The following FAAP20 variants were observed in gnomAD, a reference collection of about 807,000 sequenced individuals.
FAAP20 encodes Fanconi anemia core complex-associated protein 20.
FAAP20 carries 12 observed loss-of-function variants against 16.2 expected under a neutral mutation model. The ratio of observed to expected loss-of-function variants is 0.74; its 90% CI spans 0.48 to 1.20. FAAP20 has a LOEUF of 1.20. FAAP20 is among the 50% of genes most tolerant of loss of function. The pLI is 0.00. For missense variants in FAAP20, 288 were observed against 245.8 expected (o/e 1.17, Z -1.15); for synonymous variants, 141 against 110.7 (o/e 1.27, Z -1.72).
chr1:2,210,525 C>T (rs1272707783), downstream of FAAP20, among the ~76,000 whole-genome samples: 2 of 152,146 alleles, frequency 1.3e-5, no homozygotes, highest in Non-Finnish European at 2.9e-5. Flanking sequence ...GGCTCTGCTT[C>T]GGCAATGAGA....
At chr1:2,186,634 G>C (rs926620083), downstream of FAAP20, among the ~76,000 whole-genome samples, 1 of 152,160 alleles carries the variant, frequency 6.6e-6, no homozygotes, top group African/African-American at 2.4e-5. Context: ...GCCGACCTGG[G>C]TCTCACACAG....
intron 3 of FAAP20, chr1:2,191,149 C>G (rs769029865): frequency 6.6e-6 from 1 of 152,432 alleles, no homozygotes; most frequent in Non-Finnish European, 1.5e-5. Flanking sequence ...CCAGAAGGTG[C>G]TAAGATCTGA....
chr1:2,193,491 G>C, intron 3 of FAAP20, 148 bp downstream of exon 3: 2 of 1,274,248 alleles, frequency 1.6e-6, no homozygotes, highest in Non-Finnish European at 2.1e-6. Context: ...ACCTGGACAT[G>C]CCAGGCCACA....
chr1:2,198,273 G>A (rs1688903957), upstream of FAAP20: 7 of 935,666 alleles, frequency 7.5e-6, no homozygotes, highest in Non-Finnish European at 8.6e-6. Context: ...AGAGCAGAAG[G>A]TGATCGAGTG....
downstream of FAAP20, chr1:2,185,422 G>A: frequency 1.4e-6 from 1 of 718,762 alleles, no homozygotes; most frequent in Non-Finnish European, 2.6e-6. Flanking sequence ...TTTTCCGTGA[G>A]TGGCGCCTGC....
At chr1:2,211,002 G>A (rs945959163), downstream of FAAP20, among the ~76,000 whole-genome samples, 3 of 152,194 alleles carry the variant, frequency 2.0e-5, no homozygotes, top group Non-Finnish European at 4.4e-5. Context: ...TGCAGCGCCT[G>A]TCTTGCCCGG....
chr1:2,203,682 C>T (rs1689132287), upstream of FAAP20: 1 of 979,476 alleles, frequency 1.0e-6, no homozygotes, highest in South Asian at 4.7e-5. Context: ...CCTGTCCTCT[C>T]TGAGTTGCCT....
upstream of FAAP20, among the ~76,000 whole-genome samples, chr1:2,197,783 G>A (rs1157158214): frequency 6.6e-6 from 1 of 152,272 alleles, no homozygotes; most frequent in South Asian, 2.1e-4. Context: ...CAGTGGGGCA[G>A]GCCCCTGTGA....
downstream of FAAP20, among the ~76,000 whole-genome samples, chr1:2,209,962 G>C (rs76650818): frequency 6.6e-6 from 1 of 152,162 alleles, no homozygotes; most frequent in African/African-American, 2.4e-5. Context: ...CGCTCACGGG[G>C]CCTCTGTCCC....
rs1440147752 is a variant in FAAP20, at chr1:2,193,758, G to A, written c.351C>T (p.Ser117=). Residue 117 remains serine, a synonymous_variant, in exon 3 of 4, where the codon TCC becomes TCT. Transcript: ENST00000378546. ...AGGHLESPAR[S]LPQRPAPDPC... ...GATCAGGTGCCGGGCGCTGGGGCAGGGACCTGGCGGGGGATTCCAGGTGCC... is the reference window on the plus strand; with the variant it reads ...GATCAGGTGCCGGGCGCTGGGGCAGAGACCTGGCGGGGGATTCCAGGTGCC... 8 of 1,592,166 alleles carry A rather than the reference G, an allele frequency of 5.0e-6. No individual in the cohort carries two copies. In the African/African-American group the frequency reaches 8.2e-5, roughly 16 times the overall value.
downstream of FAAP20, chr1:2,185,386 T>C (rs1208099298): frequency 1.4e-6 from 1 of 718,652 alleles, no homozygotes; most frequent in Admixed American, 2.0e-5. Context: ...AATGTTCCGA[T>C]GATGTGGAAG....
At chr1:2,211,550 C>A (rs1231721243), downstream of FAAP20, among the ~76,000 whole-genome samples, 48 of 140,840 alleles carry the variant, frequency 3.4e-4, 1 homozygote, top group Non-Finnish European at 5.5e-4. Flanking sequence ...AGGTTCACGC[C>A]ATTCTCCTGC....
upstream of FAAP20, chr1:2,194,832 A>T: frequency 1.0e-6 from 1 of 956,366 alleles, no homozygotes; most frequent in Admixed American, 6.8e-5. Flanking sequence ...CCGCCTCCAG[A>T]CCTCTGCAGC....
intron 3 of FAAP20, chr1:2,191,943 A>G: frequency 2.0e-6 from 2 of 985,498 alleles, no homozygotes; most frequent in African/African-American, 1.7e-5. Context: ...AACATTCTAC[A>G]TAGTTTGTCA....
downstream of FAAP20, among the ~76,000 whole-genome samples, chr1:2,209,168 C>T (rs886854538): frequency 2.0e-5 from 3 of 152,124 alleles, no homozygotes; most frequent in Non-Finnish European, 2.9e-5. Context: ...CTTACCACTC[C>T]GTCCCCCACC....
chr1:2,187,384 A>C (rs1040756101), downstream of FAAP20, among the ~76,000 whole-genome samples: 1 of 150,422 alleles, frequency 6.6e-6, no homozygotes, highest in Non-Finnish European at 1.5e-5. Context: ...GGCTCACTGC[A>C]ACCTCCACCT....
chr1:2,205,652 A>G (rs1436810239), intron 3 of FAAP20, among the ~76,000 whole-genome samples: 1 of 152,152 alleles, frequency 6.6e-6, no homozygotes, highest in Non-Finnish European at 1.5e-5. Context: ...CGCCACATGC[A>G]AGCCACGAGC....
chr1:2,211,397 TTTTA>T (rs1340407301), downstream of FAAP20, among the ~76,000 whole-genome samples: 1 of 53,698 alleles, frequency 1.9e-5, no homozygotes. Context: ...GCCTGGCTAA[TTTTA>T]TATATATATA....
At chr1:2,185,354 C>G (rs777654173), downstream of FAAP20, 1 of 718,782 alleles carries the variant, frequency 1.4e-6, no homozygotes, top group South Asian at 1.5e-5. Context: ...GGAAAGTGAG[C>G]GTGTAGCGTC....
Sources: gnomAD v4.1 joint callset for allele counts (sites outside exome capture counted in the v4.1 genomes callset) on GRCh38, gnomAD v4.1.1 for gene constraint, MANE v1.5 for transcripts, NCBI Gene and HGNC (gene_info 2026-07-23, HGNC 2026-07-21) for gene names.